KCNQ1: variants seen among roughly 807,000 people sequenced by gnomAD.
KCNQ1 encodes potassium voltage-gated channel subfamily KQT member 1.
Under a neutral mutation model 72.4 loss-of-function variants are expected in KCNQ1, and 49 were observed. The observed-to-expected ratio is 0.68, with a 90% confidence interval of 0.54 to 0.86. The LOEUF is 0.86. Ranked by LOEUF, KCNQ1 falls within the 40% of genes least tolerant of loss-of-function variation. The probability of loss-of-function intolerance (pLI) is 0.00; values close to 1 mark genes in which losing one functional copy is unlikely to be tolerated. For missense variants in KCNQ1, 790 were observed against 945.1 expected, an observed-to-expected ratio of 0.84 and a Z score of 2.15; for synonymous variants, 450 against 412.6, an observed-to-expected ratio of 1.09 and a Z score of -1.10.
intron 11 of KCNQ1, chr11:2,684,540 TTGA>T (rs1404072453): frequency 6.0e-5 from 24 of 398,638 alleles, no homozygotes; most frequent in African/African-American, 3.3e-4. Context: ...AGCAATATAT[TTGA>T]TGCTTTCTCC....
intron 1 of KCNQ1, among the ~76,000 whole-genome samples, chr11:2,517,415 A>T (rs1288234290): frequency 6.6e-6 from 1 of 152,054 alleles, no homozygotes; most frequent in Non-Finnish European, 1.5e-5. Flanking sequence ...CAGGGCTGAG[A>T]AGCCCTGGGA....
In KCNQ1 at chr11:2,658,860, A is replaced by G. The variant is rs1849899271; in HGVS notation, c.1394-3101A>G. On this transcript the variant is annotated intron_variant, in intron 10 of 15. Transcript: ENST00000155840. The surrounding 1 kb of genome is among the most constrained non-coding windows in gnomAD (Gnocchi z 4.9). ...GCTAGAAACCTGGCTCCCATTACCTACAGTTCATTTACTTATTTGTGTAAC... is the reference window on the plus strand; with the variant it reads ...GCTAGAAACCTGGCTCCCATTACCTGCAGTTCATTTACTTATTTGTGTAAC... 4 of 398,328 alleles carry G rather than the reference A, an allele frequency of 1.0e-5. No homozygotes were observed. 24.7% of individuals were successfully genotyped at this position (398,328 alleles called of 1,614,324 possible). A position where few individuals can be genotyped will look rare whatever the true frequency, so the allele number is the denominator to read the frequency against.
chr11:2,731,111 C>T (rs2133940581), intron 11 of KCNQ1, among the ~76,000 whole-genome samples: 1 of 152,348 alleles, frequency 6.6e-6, no homozygotes, highest in South Asian at 2.1e-4. Flanking sequence ...AGAGGGCAGC[C>T]AGGCACCTCT....
rs76596198 is a variant in KCNQ1, at chr11:2,745,017, C to T, written c.1515-23827C>T. Among the ~76,000 whole-genome samples, 7,250 of 152,156 alleles carry T rather than the reference C, an allele frequency of 0.048. 249 individuals carry two copies. Among genetic ancestry groups the T allele is most frequent in the Non-Finnish European group, 0.072 (4,907 of 67,988 alleles). On this transcript the variant is annotated intron_variant, in intron 11 of 15. Coordinates refer to ENST00000155840, the MANE Select transcript of KCNQ1 (RefSeq NM_000218.3). The surrounding 1 kb of genome is among the most constrained non-coding windows in gnomAD (Gnocchi z 6.2). ...AGTCTGCTGGTCGGAAGGACAATGG[C>T]GGCACCCCAAGACCTGATGCTCTGG...
rs147391535 is a variant in KCNQ1, at chr11:2,599,178, A to G, written c.1393+10324A>G. On this transcript the variant is annotated intron_variant, in intron 10 of 15. Coordinates refer to ENST00000155840, the MANE Select transcript of KCNQ1 (RefSeq NM_000218.3). The surrounding 1 kb of genome is among the most constrained non-coding windows in gnomAD (Gnocchi z 4.7). ...GATTTGTTGTCTTACATTTTTCCTG[A>G]TGTTCATATAATATTCAATGAAATA... Among the ~76,000 whole-genome samples the G allele has an allele frequency of 2.6e-3, 394 of 152,234 alleles. 4 individuals carry two copies. The highest frequency in any genetic ancestry group is 4.2e-3 in the Non-Finnish European group (289 of 68,014).
At chr11:2,662,171 G>A in intron 11 of KCNQ1, 90 bp downstream of exon 11, 1 of 1,569,268 alleles carries the variant, frequency 6.4e-7, no homozygotes, top group Non-Finnish European at 8.7e-7. Flanking sequence ...TTGCTCTCTG[G>A]CCAGAGTGCT....
At chr11:2,751,488 T>C (rs1846224410) in intron 11 of KCNQ1, among the ~76,000 whole-genome samples, 1 of 152,218 alleles carries the variant, frequency 6.6e-6, no homozygotes, top group Non-Finnish European at 1.5e-5. Context: ...CGCGGGGACT[T>C]GCGTCTCAGT....
chr11:2,733,774 C>CACACA lies in KCNQ1; in HGVS notation c.1515-35070_1515-35069insACACA, dbSNP rs1845891956. Among the ~76,000 whole-genome samples, 499 of 57,574 alleles carry CACACA rather than the reference C, an allele frequency of 8.7e-3. 9 individuals are homozygous for CACACA. Among genetic ancestry groups the CACACA allele is most frequent in the Non-Finnish European group, 0.011 (325 of 29,000 alleles). 37.8% of individuals were successfully genotyped at this position (57,574 alleles called of 152,430 possible). A position where few individuals can be genotyped will look rare whatever the true frequency, so the allele number is the denominator to read the frequency against. Reference sequence around the variant, plus strand: ...GGGCAGGAGGGGGACTTCAGGCCTTCCACACACACACACACACACACACAC... The same window carrying CACACA: ...GGGCAGGAGGGGGACTTCAGGCCTTCACACACACACACACACACACACACACACAC... On this transcript the variant is annotated intron_variant, in intron 11 of 15. Coordinates refer to ENST00000155840, the MANE Select transcript of KCNQ1 (RefSeq NM_000218.3).
Position 2,669,403 on chromosome 11 carries a change from T to C in KCNQ1, c.1514+7322T>C. Reference sequence around the variant, plus strand: ...TTGGGGCTCCTGAAACATGGCATCATGTGTCCCTTGTTTATTTAGGTTGAC... The same window carrying C: ...TTGGGGCTCCTGAAACATGGCATCACGTGTCCCTTGTTTATTTAGGTTGAC... On this transcript the variant is annotated intron_variant, in intron 11 of 15. Transcript: ENST00000155840. This position sits in a 1 kb window ranked among gnomAD's most constrained non-coding sequence, Gnocchi z 5.6. 3 of 398,682 alleles carry C rather than the reference T, an allele frequency of 7.5e-6. No individual in the cohort carries two copies. Among genetic ancestry groups the C allele is most frequent in the Non-Finnish European group, 1.3e-5 (3 of 226,086 alleles). The allele number at this position is 398,682 out of a possible 1,614,324, so 24.7% of individuals were successfully genotyped here.
intron 15 of KCNQ1, among the ~76,000 whole-genome samples, chr11:2,845,929 T>C (rs1314544669): frequency 3.3e-5 from 5 of 152,172 alleles, no homozygotes; most frequent in African/African-American, 1.2e-4. Flanking sequence ...GTAGGTGCTG[T>C]GGGTGACGAC....
At chr11:2,609,693 T>C (rs1848946245) in intron 10 of KCNQ1, 2 of 398,412 alleles carry the variant, frequency 5.0e-6, no homozygotes, top group Admixed American at 4.4e-5. Context: ...TTCTTATGTT[T>C]TAGTTCTCTA....
In KCNQ1 at chr11:2,767,384, G is replaced by A. The variant is rs973079869; in HGVS notation, c.1515-1460G>A. On this transcript the variant is annotated intron_variant, in intron 11 of 15. Transcript: ENST00000155840. This position sits in a 1 kb window ranked among gnomAD's most constrained non-coding sequence, Gnocchi z 4.6. ...TCCCCAGTACTCTTTCATCAGTGAA[G>A]TCACAAGGTGACCCCAAATTCAAGT... Among the ~76,000 whole-genome samples the A allele has an allele frequency of 1.3e-5, 2 of 152,126 alleles. No homozygotes were observed. The highest frequency in any genetic ancestry group is 4.8e-5 in the African/African-American group (2 of 41,414).
chr11:2,551,356 G>A lies in KCNQ1; in HGVS notation c.478-19272G>A, dbSNP rs1008740750. Among the ~76,000 whole-genome samples the A allele has an allele frequency of 1.2e-4, 18 of 152,322 alleles. No individual in the cohort carries two copies. The South Asian group carries it at 2.9e-3, about 25-fold the overall frequency. On this transcript the variant is annotated intron_variant, in intron 2 of 15. Transcript: ENST00000155840. ...CAGAACGTCATGTGAATGGAATCTC[G>A]CGGCGTGTAGCCTCTGCGCCTGGCT...
At chr11:2,797,764 C>T (rs1847168064) in intron 15 of KCNQ1, among the ~76,000 whole-genome samples, 1 of 152,136 alleles carries the variant, frequency 6.6e-6, no homozygotes, top group Non-Finnish European at 1.5e-5. Context: ...TGCCTGCACT[C>T]CCTCCCCTGG....
At position 2,451,321 on chromosome 11, in the gene KCNQ1, C is replaced by A. The variant is rs1424289640; in HGVS notation, c.386+5837C>A. ...GCAGTTCACAATAGGATTTGTGCTC[C>A]TGTGAGAATCTAATGCCACCGCTGA... On this transcript the variant is annotated intron_variant, in intron 1 of 15. Transcript: ENST00000155840. This position sits in a 1 kb window ranked among gnomAD's most constrained non-coding sequence, Gnocchi z 6.4. 3.9e-5 allele frequency among the ~76,000 whole-genome samples: 6 copies of A among 152,174 alleles called. No homozygotes were observed. The highest frequency in any genetic ancestry group is 1.4e-4 in the African/African-American group (6 of 41,442).
At chr11:2,708,689 C>A (rs1850952757) in intron 11 of KCNQ1, among the ~76,000 whole-genome samples, 1 of 152,124 alleles carries the variant, frequency 6.6e-6, no homozygotes, top group Non-Finnish European at 1.5e-5. Context: ...TCTTAGGAGG[C>A]AGAAGATACA....
chr11:2,554,907 C>T (rs1848046140), intron 2 of KCNQ1, among the ~76,000 whole-genome samples: 1 of 152,242 alleles, frequency 6.6e-6, no homozygotes, highest in Non-Finnish European at 1.5e-5. Context: ...TTTAAATTCA[C>T]CGCCTGTTAT....
Position 2,471,059 on chromosome 11 carries a change from A to G in KCNQ1, c.386+25575A>G, listed in dbSNP as rs765218324. Among the ~76,000 whole-genome samples, 5 of 151,938 alleles carry G rather than the reference A, an allele frequency of 3.3e-5. No individual in the cohort carries two copies. Among genetic ancestry groups the G allele is most frequent in the Admixed American group, 6.6e-5 (1 of 15,256 alleles). On this transcript the variant is annotated intron_variant, in intron 1 of 15. Coordinates refer to ENST00000155840, the MANE Select transcript of KCNQ1 (RefSeq NM_000218.3). This position sits in a 1 kb window ranked among gnomAD's most constrained non-coding sequence, Gnocchi z 4.8. ...CCTTTCTGCCCGCGGGTTCCAGCAC[A>G]TTTGCTGGGATGGCCCTCCTCCCTC...
At position 2,571,993 on chromosome 11, in the gene KCNQ1, C is replaced by G. The variant is rs1848341914; in HGVS notation, c.684-20C>G. The G allele has an allele frequency of 6.2e-7, 1 of 1,606,188 alleles. No homozygotes were observed. The highest frequency in any genetic ancestry group is 1.1e-5 in the South Asian group (1 of 90,296). ...TGAGCCCAGCCTGGCTCCCTCAGCC[C>G]CACACCATCTCCTTCGCAGGGGCAT... is the stretch of plus-strand genomic sequence containing the variant. On this transcript the variant is annotated intron_variant, in intron 4 of 15. Transcript: ENST00000155840.
Sources: gnomAD v4.1 joint callset for allele counts (sites outside exome capture counted in the v4.1 genomes callset) on GRCh38, gnomAD v4.1.1 for gene constraint, Gnocchi (gnomAD v3.1) non-coding constraint, MANE v1.5 for transcripts, NCBI Gene and HGNC (gene_info 2026-07-23, HGNC 2026-07-21) for gene names.